Variants in CNTNAP2 observed in about 807,000 individuals in gnomAD.
CNTNAP2 encodes contactin-associated protein-like 2.
In CNTNAP2, 98 loss-of-function variants were observed where a neutral mutation model predicts 155.2. The ratio of observed to expected loss-of-function variants is 0.63; its 90% CI spans 0.54 to 0.75. The LOEUF (loss-of-function observed/expected upper bound fraction) is 0.75. Among genes scored for constraint, CNTNAP2 ranks in the 30% least tolerant of loss-of-function variants. The pLI is 0.00. For synonymous variants in CNTNAP2, 651 were observed against 631.2 expected (o/e 1.03, Z -0.47); for missense variants, 1,727 against 1,688.1 (o/e 1.02, Z -0.40).
At chr7:146,732,043 G>A (rs947714490) in intron 1 of CNTNAP2, among the ~76,000 whole-genome samples, 10 of 152,004 alleles carry the variant, frequency 6.6e-5, no homozygotes, top group African/African-American at 2.4e-4. Flanking sequence ...ATATGCTGAG[G>A]AATTAATCTG....
At chr7:147,772,408 A>ATATATATAT (rs60047449) in intron 13 of CNTNAP2, among the ~76,000 whole-genome samples, 42 of 133,168 alleles carry the variant, frequency 3.2e-4, no homozygotes, top group African/African-American at 1.0e-3. Flanking sequence ...TAAAAAAAAA[A>ATATATATAT]ATATATATAT....
intron 1 of CNTNAP2, among the ~76,000 whole-genome samples, chr7:146,179,959 ATG>A (rs768529077): frequency 3.3e-5 from 5 of 152,148 alleles, no homozygotes; most frequent in Admixed American, 3.3e-4. Flanking sequence ...TCAGTGCTGT[ATG>A]TGTGTGTGTA....
chr7:146,928,460 G>T (rs544244276), intron 3 of CNTNAP2, among the ~76,000 whole-genome samples: 1 of 152,290 alleles, frequency 6.6e-6, no homozygotes, highest in South Asian at 2.1e-4. Flanking sequence ...TCGCAGCCAA[G>T]ATGGCCAAAT....
chr7:147,747,836 C>G (rs1797069892), intron 13 of CNTNAP2, among the ~76,000 whole-genome samples: 1 of 152,194 alleles, frequency 6.6e-6, no homozygotes, highest in African/African-American at 2.4e-5. Context: ...CAGTCTGGGA[C>G]AACTTAAAGT....
At chr7:148,267,724 C>T (rs1426041920) in intron 21 of CNTNAP2, among the ~76,000 whole-genome samples, 2 of 151,060 alleles carry the variant, frequency 1.3e-5, no homozygotes, top group Admixed American at 6.6e-5. Flanking sequence ...GCTTCTAAGT[C>T]AGCGATGGTA....
intron 13 of CNTNAP2, among the ~76,000 whole-genome samples, chr7:147,753,289 A>G (rs1797167449): frequency 6.6e-6 from 1 of 152,194 alleles, no homozygotes; most frequent in Non-Finnish European, 1.5e-5. Flanking sequence ...CTGAGACTCT[A>G]CCTGTCACTA....
At chr7:146,721,204 T>G (rs1801296059) in intron 1 of CNTNAP2, among the ~76,000 whole-genome samples, 1 of 133,908 alleles carries the variant, frequency 7.5e-6, no homozygotes, top group African/African-American at 2.8e-5. Context: ...ATATATATTC[T>G]CTGTATATAT....
At chr7:148,128,102 C>A (rs1804753743) in intron 16 of CNTNAP2, among the ~76,000 whole-genome samples, 1 of 152,096 alleles carries the variant, frequency 6.6e-6, no homozygotes, top group Non-Finnish European at 1.5e-5. Flanking sequence ...AACCTGGACT[C>A]AAGCGATCCA....
chr7:147,692,971 G>A (rs763220434), intron 13 of CNTNAP2, among the ~76,000 whole-genome samples: 15 of 151,936 alleles, frequency 9.9e-5, no homozygotes, highest in African/African-American at 3.1e-4. Context: ...TTATAGTTTA[G>A]CATTTTACAT....
chr7:147,572,719 C>G (rs1800319296), intron 12 of CNTNAP2, among the ~76,000 whole-genome samples: 1 of 151,884 alleles, frequency 6.6e-6, no homozygotes, highest in African/African-American at 2.4e-5. Context: ...CACACACACA[C>G]ACACACACAC....
chr7:146,516,235 G>GA (rs915136141), intron 1 of CNTNAP2, among the ~76,000 whole-genome samples: 11 of 151,888 alleles, frequency 7.2e-5, no homozygotes, highest in African/African-American at 2.7e-4. Context: ...AGTAATGGGG[G>GA]AAAAAAGCAC....
intron 1 of CNTNAP2, among the ~76,000 whole-genome samples, chr7:146,350,409 C>A (rs896651592): frequency 2.0e-5 from 3 of 151,942 alleles, no homozygotes; most frequent in African/African-American, 7.3e-5. Context: ...ATTTATGCAG[C>A]CAAAAAACAC....
chr7:147,666,761 G>A (rs1405097399), intron 13 of CNTNAP2, among the ~76,000 whole-genome samples: 1 of 152,142 alleles, frequency 6.6e-6, no homozygotes. Context: ...CCTGTCCTGT[G>A]ATTGACCTGA....
At chr7:148,262,813 G>A (rs1165499151) in intron 20 of CNTNAP2, among the ~76,000 whole-genome samples, 2 of 152,132 alleles carry the variant, frequency 1.3e-5, no homozygotes, top group Non-Finnish European at 2.9e-5. Context: ...TCCATATTCA[G>A]ACAAAATTGC....
intron 4 of CNTNAP2, among the ~76,000 whole-genome samples, chr7:147,061,324 A>C (rs1362850693): frequency 6.6e-6 from 1 of 152,254 alleles, no homozygotes; most frequent in East Asian, 1.9e-4. Context: ...ATTGTGAAAA[A>C]TACAAAACAT....
intron 9 of CNTNAP2, among the ~76,000 whole-genome samples, chr7:147,340,050 A>G (rs1302702208): frequency 3.3e-5 from 5 of 152,160 alleles, no homozygotes; most frequent in African/African-American, 7.2e-5. Flanking sequence ...ACACATTCTG[A>G]TTCCACCCTT....
intron 3 of CNTNAP2, among the ~76,000 whole-genome samples, chr7:146,840,480 A>G (rs1333440795): frequency 6.6e-6 from 1 of 152,180 alleles, no homozygotes; most frequent in Non-Finnish European, 1.5e-5. Flanking sequence ...ACCACATAAT[A>G]ATTTGAATAA....
intron 3 of CNTNAP2, among the ~76,000 whole-genome samples, chr7:146,882,366 C>A (rs979711120): frequency 2.0e-5 from 3 of 152,040 alleles, no homozygotes; most frequent in Non-Finnish European, 4.4e-5. Flanking sequence ...AAAATCTCAT[C>A]TTGAATTGTA....
chr7:147,657,415 T>C (rs1795541806), intron 13 of CNTNAP2, among the ~76,000 whole-genome samples: 4 of 152,122 alleles, frequency 2.6e-5, no homozygotes, highest in African/African-American at 9.7e-5. Context: ...ATATGGGAGA[T>C]AAAGATCTAA....
Sources: gnomAD v4.1 joint callset for allele counts (sites outside exome capture counted in the v4.1 genomes callset) on GRCh38, gnomAD v4.1.1 for gene constraint, MANE v1.5 for transcripts, NCBI Gene and HGNC (gene_info 2026-07-23, HGNC 2026-07-21) for gene names.